Variants in OR51B5 observed in about 807,000 individuals in gnomAD.
OR51B5 encodes the protein olfactory receptor 51B5.
For synonymous variants in OR51B5, 186 were observed against 144.8 expected (o/e 1.28, Z -2.04); for missense variants, 456 against 374.6 (o/e 1.22, Z -1.79).
intron 1 of OR51B5, among the ~76,000 whole-genome samples, chr11:5,359,188 A>C (rs1265531971): frequency 6.6e-6 from 1 of 151,784 alleles, no homozygotes; most frequent in Non-Finnish European, 1.5e-5. Context: ...AATTAGGAAA[A>C]GAGGAAGTCA....
intron 1 of OR51B5, among the ~76,000 whole-genome samples, chr11:5,442,044 C>G (rs2133777256): frequency 1.3e-5 from 2 of 152,314 alleles, no homozygotes; most frequent in East Asian, 3.9e-4. Flanking sequence ...TACCTTCCAA[C>G]CTTCTCATGC....
intron 1 of OR51B5, among the ~76,000 whole-genome samples, chr11:5,396,547 G>A (rs144289535): frequency 2.5e-3 from 36 of 14,642 alleles, no homozygotes; most frequent in African/African-American, 6.2e-3. Flanking sequence ...CACTGCTCAA[G>A]GAAATAAGAT....
intron 1 of OR51B5, among the ~76,000 whole-genome samples, chr11:5,449,824 C>T (rs114445036): frequency 0.022 from 3,295 of 152,098 alleles, 116 homozygotes; most frequent in African/African-American, 0.069. Context: ...TAACAAAATA[C>T]GTAAAAATCT....
intron 1 of OR51B5, chr11:5,351,971 T>C: frequency 6.2e-7 from 1 of 1,613,276 alleles, no homozygotes; most frequent in Non-Finnish European, 8.5e-7. Flanking sequence ...CTGTCCATTA[T>C]GCCAATAGTT....
At chr11:5,396,141 G>A (rs1849866898) in intron 1 of OR51B5, among the ~76,000 whole-genome samples, 1 of 152,140 alleles carries the variant, frequency 6.6e-6, no homozygotes, top group South Asian at 2.1e-4. Flanking sequence ...ACTGCCTAAT[G>A]AAAATGTGCC....
At chr11:5,454,256 T>A in intron 1 of OR51B5, 1 of 1,614,228 alleles carries the variant, frequency 6.2e-7, no homozygotes, top group Non-Finnish European at 8.5e-7. Flanking sequence ...TGCCAATGAT[T>A]GGGGTCTCCA....
intron 1 of OR51B5, among the ~76,000 whole-genome samples, chr11:5,395,371 T>C (rs1338111343): frequency 6.6e-6 from 1 of 152,156 alleles, no homozygotes; most frequent in Non-Finnish European, 1.5e-5. Flanking sequence ...GTTTTGTGGA[T>C]AAAGGAAGTC....
chr11:5,484,376 CACAGAGTAGCAGTTACCTTACA>C lies in OR51B5; in HGVS notation n.84+21171_84+21192del, dbSNP rs539565590. ...TCTGGTCCACACATCCTTAGATAATCACAGAGTAGCAGTTACCTTACAACAGTTATTTTAAAGCTTTCTTAGA... is the reference window on the plus strand; with the variant it reads ...TCTGGTCCACACATCCTTAGATAATCACAGTTATTTTAAAGCTTTCTTAGA... On this transcript the variant is annotated intron_variant and non_coding_transcript_variant, in intron 1 of 4. Coordinates refer to the OR51B5 transcript ENST00000415970. Among the ~76,000 whole-genome samples the C allele has an allele frequency of 7.2e-5, 11 of 152,290 alleles. No homozygotes were observed. In the South Asian group the frequency reaches 2.1e-3, roughly 29 times the overall value.
intron 1 of OR51B5, among the ~76,000 whole-genome samples, chr11:5,498,670 A>C (rs537717095): frequency 6.6e-6 from 1 of 152,204 alleles, no homozygotes; most frequent in South Asian, 2.1e-4. Flanking sequence ...TACAGACATT[A>C]CTAATTGTAA....
intron 1 of OR51B5, among the ~76,000 whole-genome samples, chr11:5,404,109 A>G (rs1198978984): frequency 8.2e-6 from 1 of 122,578 alleles, no homozygotes; most frequent in East Asian, 2.7e-4. Flanking sequence ...TCTCCCATCC[A>G]GGTTGTGAGA....
chr11:5,454,201 T>TCA (rs35301588), intron 1 of OR51B5: 554,421 of 1,613,882 alleles, frequency 0.34, 102,636 homozygotes, highest in Non-Finnish European at 0.38. Context: ...CTCAAAGCTC[T>TCA]CAACACATGT....
intron 1 of OR51B5, among the ~76,000 whole-genome samples, chr11:5,412,807 G>C (rs1295987292): frequency 4.6e-5 from 7 of 152,156 alleles, no homozygotes; most frequent in East Asian, 1.9e-4. Flanking sequence ...ACTGGGTGGA[G>C]CCCACCACAG....
chr11:5,364,395 G>C (rs1849335042), intron 1 of OR51B5, among the ~76,000 whole-genome samples: 3 of 152,098 alleles, frequency 2.0e-5, no homozygotes, highest in Non-Finnish European at 4.4e-5. Context: ...CAGTTTAGGA[G>C]CTATGTGATG....
chr11:5,441,418 A>T, intron 1 of OR51B5: 2 of 1,613,974 alleles, frequency 1.2e-6, no homozygotes, highest in Non-Finnish European at 1.7e-6. Flanking sequence ...AGGATGCAGA[A>T]AATCAGGGCA....
chr11:5,419,396 G>C (rs574447924), intron 1 of OR51B5, among the ~76,000 whole-genome samples: 1 of 152,296 alleles, frequency 6.6e-6, no homozygotes, highest in African/African-American at 2.4e-5. Flanking sequence ...CTCCGTATTT[G>C]TGGGTTCCAC....
chr11:5,470,559 A>G (rs1261717279), intron 1 of OR51B5, among the ~76,000 whole-genome samples: 1 of 152,176 alleles, frequency 6.6e-6, no homozygotes, highest in Non-Finnish European at 1.5e-5. Flanking sequence ...CCAATTTCCA[A>G]CTGGACTTCC....
At chr11:5,471,837 C>G (rs1851234436) in intron 1 of OR51B5, among the ~76,000 whole-genome samples, 2 of 152,090 alleles carry the variant, frequency 1.3e-5, no homozygotes, top group Non-Finnish European at 2.9e-5. Flanking sequence ...ATTTTCACAT[C>G]TCTAGAATAG....
chr11:5,377,670 GACAA>G (rs1036128479), intron 1 of OR51B5, among the ~76,000 whole-genome samples: 15 of 152,014 alleles, frequency 9.9e-5, no homozygotes, highest in Admixed American at 7.9e-4. Flanking sequence ...ACCAATAACA[GACAA>G]ACAGAGAGCC....
chr11:5,488,169 T>C (rs1188037402), intron 1 of OR51B5, among the ~76,000 whole-genome samples: 1 of 152,094 alleles, frequency 6.6e-6, no homozygotes, highest in Admixed American at 6.5e-5. Flanking sequence ...AAAGACATAG[T>C]TCTAACCCAG....
Sources: allele counts gnomAD v4.1 joint callset (sites outside exome capture counted in the v4.1 genomes callset), GRCh38; gene constraint gnomAD v4.1.1; transcripts MANE v1.5; gene names NCBI Gene and HGNC (gene_info 2026-07-23, HGNC 2026-07-21).